Variants in MAPKBP1 observed in about 807,000 individuals in gnomAD.
MAPKBP1 encodes the protein mitogen-activated protein kinase binding protein 1.
In MAPKBP1, 71 loss-of-function variants were observed where a neutral mutation model predicts 170.5. The observed-to-expected ratio is 0.42, with a 90% CI of 0.34 to 0.51. MAPKBP1 has a LOEUF of 0.51. Ranked by LOEUF, MAPKBP1 falls within the 20% of genes least tolerant of loss-of-function variation. The pLI is 0.06. For missense variants in MAPKBP1, 1,598 were observed against 1,933.0 expected, an observed-to-expected ratio of 0.83 and a Z score of 3.25; for synonymous variants, 719 against 757.9, an observed-to-expected ratio of 0.95 and a Z score of 0.84.
At chr15:41,786,777 A>ATATATATATATATAT (rs1555448144) in intron 2 of MAPKBP1, among the ~76,000 whole-genome samples, 3 of 32,450 alleles carry the variant, frequency 9.2e-5, no homozygotes, top group African/African-American at 2.6e-4. Flanking sequence ...AAAAAAAAAA[A>ATATATATATATATAT]ATATATATAT....
Position 41,812,641 on chromosome 15 carries a change from C to G in MAPKBP1, c.624C>G (p.Ser208Arg). The change falls in exon 7 of 31, where the codon AGC (serine) becomes AGG (arginine). Residue 208 changes from serine to arginine, a missense_variant. Transcript: ENST00000457542. ...RHIKFWYLDD[S>R]KTSKVNATVP... ...TCAAATTCTGGTATCTCGATGACAGCAAGACCTCAAAGGTGAGGTGCTGAA... is the reference window on the plus strand; with the variant it reads ...TCAAATTCTGGTATCTCGATGACAGGAAGACCTCAAAGGTGAGGTGCTGAA... 3 of 1,606,102 alleles carry G rather than the reference C, an allele frequency of 1.9e-6. No individual in the cohort carries two copies. The highest frequency in any genetic ancestry group is 2.6e-6 in the Non-Finnish European group (3 of 1,175,418).
chr15:41,808,341 GTGA>G (rs1342220274), intron 3 of MAPKBP1, among the ~76,000 whole-genome samples: 1 of 150,404 alleles, frequency 6.6e-6, no homozygotes, highest in Non-Finnish European at 1.5e-5. Flanking sequence ...TCCTGACCTC[GTGA>G]TCTGCCAGCC....
Position 41,818,250 on chromosome 15 carries a change from C to T in MAPKBP1, c.2037C>T (p.Leu679=). Residue 679 remains leucine (L), a synonymous_variant, in exon 18 of 31, where the codon CTC becomes CTT. Transcript: ENST00000457542. This position sits in a 1 kb window ranked among gnomAD's most constrained non-coding sequence, Gnocchi z 5.2. ...CCACCAGCTGTTCTGACAAGAATCT[C>T]TCCATTTTTGACTTCTCCTCAGGCG... ...YIATSCSDKN[L]SIFDFSSGEC... The T allele has an allele frequency of 6.2e-7, 1 of 1,614,154 alleles. No homozygotes were observed.
Position 41,816,254 on chromosome 15 carries a change from A to C in MAPKBP1, c.1494-305A>C. ...AAATGCAATTTGGATTCTGGATAGG[A>C]TCTAGAGTCAAGAAAAAGGACATAG... On this transcript the variant is annotated intron_variant, in intron 12 of 30. Coordinates refer to ENST00000457542, the MANE Select transcript of MAPKBP1 (RefSeq NM_014994.3). The C allele has an allele frequency of 1.1e-5, 5 of 438,250 alleles. 1 individual carries two copies. In the South Asian group the frequency reaches 1.7e-4, roughly 15 times the overall value. 27.1% of individuals were successfully genotyped at this position (438,250 alleles called of 1,614,324 possible). A position where few individuals can be genotyped will look rare whatever the true frequency, so the allele number is the denominator to read the frequency against.
At chr15:41,813,965 G>A (rs2064847846) in intron 9 of MAPKBP1, among the ~76,000 whole-genome samples, 184 bp downstream of exon 9, 1 of 152,192 alleles carries the variant, frequency 6.6e-6, no homozygotes, top group South Asian at 2.1e-4. Flanking sequence ...CCACCCCATG[G>A]AGAACTGTGG....
At chr15:41,811,407 A>G in intron 5 of MAPKBP1, 172 bp downstream of exon 5, 2 of 739,004 alleles carry the variant, frequency 2.7e-6, no homozygotes, top group Non-Finnish European at 4.8e-6. Flanking sequence ...CATCAGAATC[A>G]CTTGGAGGGC....
Position 41,812,466 on chromosome 15 carries a change from C to T in MAPKBP1, c.499-50C>T, listed in dbSNP as rs776250814. The T allele has an allele frequency of 3.7e-6, 6 of 1,610,980 alleles. No homozygotes were observed. In the Admixed American group the frequency reaches 5.0e-5, roughly 13 times the overall value. ...CCTCCATTCTCTGAGTCACTGTCTT[C>T]TTAGCTCCAAGAGACAGAGCCTTGA... On this transcript the variant is annotated intron_variant, in intron 6 of 30. Transcript: ENST00000457542.
Position 41,817,858 on chromosome 15 carries a change from T to C in MAPKBP1, c.1904+123T>C. On this transcript the variant is annotated intron_variant, in intron 16 of 30. Coordinates refer to ENST00000457542, the MANE Select transcript of MAPKBP1 (RefSeq NM_014994.3). The surrounding 1 kb of genome is among the most constrained non-coding windows in gnomAD (Gnocchi z 4.2). ...ACTTTGTACCCCCTTGAGCCTACAGTACTTTGCTTCACCCAAGAGGTGGTA... is the reference window on the plus strand; with the variant it reads ...ACTTTGTACCCCCTTGAGCCTACAGCACTTTGCTTCACCCAAGAGGTGGTA... The C allele has an allele frequency of 6.4e-7, 1 of 1,558,294 alleles. No homozygotes were observed.
At chr15:41,777,782 A>T (rs1016429161) in intron 2 of MAPKBP1, among the ~76,000 whole-genome samples, 6 of 152,224 alleles carry the variant, frequency 3.9e-5, no homozygotes, top group South Asian at 4.1e-4. Context: ...GCTGTGAGTA[A>T]TCATGATAAC....
At chr15:41,796,621 G>A (rs1259695366) in intron 2 of MAPKBP1, among the ~76,000 whole-genome samples, 4 of 152,076 alleles carry the variant, frequency 2.6e-5, no homozygotes, top group Non-Finnish European at 5.9e-5. Context: ...CCCTTGGATA[G>A]CTGCTTAGAA....
rs2064920186 is a variant in MAPKBP1 at position 41,817,842 on chromosome 15, C to T, written c.1904+107C>T. The T allele has an allele frequency of 5.1e-6, 8 of 1,566,396 alleles. No individual in the cohort carries two copies. The highest frequency in any genetic ancestry group is 2.2e-5 in the East Asian group (1 of 44,456). On this transcript the variant is annotated intron_variant, in intron 16 of 30. Coordinates refer to ENST00000457542, the MANE Select transcript of MAPKBP1 (RefSeq NM_014994.3). The surrounding 1 kb of genome is among the most constrained non-coding windows in gnomAD (Gnocchi z 4.2). ...TGTCGTTCTGTACAGGACTTTGTAC[C>T]CCCTTGAGCCTACAGTACTTTGCTT...
intron 3 of MAPKBP1, among the ~76,000 whole-genome samples, chr15:41,810,345 G>A (rs910340359): frequency 6.6e-6 from 1 of 152,068 alleles, no homozygotes; most frequent in Non-Finnish European, 1.5e-5. Flanking sequence ...AGGCTTCCAG[G>A]GAACCCTTTC....
At position 41,775,295 on chromosome 15, in the gene MAPKBP1, C is replaced by A; in HGVS notation, c.20C>A (p.Thr7Asn). The A allele has an allele frequency of 1.2e-6, 2 of 1,614,084 alleles. No homozygotes were observed. The highest frequency in any genetic ancestry group is 2.2e-5 in the South Asian group (2 of 91,080). ...GTCATAATGGCTGTGGAAGGGTCAA[C>A]CATTACCAGCCGGATCAAGAATCTG... MAVEGS[T>N]ITSRIKNLLR... is the part of the protein sequence containing the mutation. The change falls in exon 2 of 31, where the codon ACC becomes AAC. Residue 7 changes from threonine (T) to asparagine (N), a missense_variant. Physicochemically the swap from Thr to Asn is moderately conservative, Grantham distance 65 (BLOSUM62 0). Around this residue, in one of 6 missense-constraint regions of MAPKBP1, gnomAD observed 151 missense variants for 191.4 expected, o/e 0.79. Coordinates refer to ENST00000457542, the MANE Select transcript of MAPKBP1 (RefSeq NM_014994.3).
At position 41,817,593 on chromosome 15, in the gene MAPKBP1, C is replaced by T. The variant is rs373683530; in HGVS notation, c.1783-21C>T. On this transcript the variant is annotated intron_variant, in intron 15 of 30. Transcript: ENST00000457542. This position sits in a 1 kb window ranked among gnomAD's most constrained non-coding sequence, Gnocchi z 4.2. ...GTGAGGCATTTGGGTGTGGGCCTGCCCACATGCTCCACCCCTGCAGTCTGG... is the reference window on the plus strand; with the variant it reads ...GTGAGGCATTTGGGTGTGGGCCTGCTCACATGCTCCACCCCTGCAGTCTGG... 1.2e-6 allele frequency: 2 copies of T among 1,614,128 alleles called. No homozygotes were observed. Among genetic ancestry groups the T allele is most frequent in the Non-Finnish European group, 1.7e-6 (2 of 1,180,008 alleles).
intron 6 of MAPKBP1, 92 bp from the exon 7 acceptor site, chr15:41,812,424 G>C: frequency 1.3e-6 from 2 of 1,541,170 alleles, no homozygotes; most frequent in South Asian, 2.2e-5. Flanking sequence ...ACTTTGTCAA[G>C]TACAAATTCT....
chr15:41,818,868 G>A lies in MAPKBP1; in HGVS notation c.2202G>A (p.Met734Ile). ...WRLSSEMTIS[M>I]RQRLAELRQR... ...TGAGCTCTGAGATGACCATCAGCAT[G>A]AGGCAGCGTCTGGCCGAGTTGCGCC... Residue 734 changes from methionine (M) to isoleucine (I), a missense_variant, in exon 20 of 31, where the codon ATG (methionine) becomes ATA (isoleucine). Met to Ile is a conservative substitution (Grantham distance 10, BLOSUM62 1). Transcript: ENST00000457542. This position sits in a 1 kb window ranked among gnomAD's most constrained non-coding sequence, Gnocchi z 5.2. 1 of 1,614,222 alleles carries A rather than the reference G, an allele frequency of 6.2e-7. No individual in the cohort carries two copies. The highest frequency in any genetic ancestry group is 1.3e-5 in the African/African-American group (1 of 75,056).
rs2065082176 is a variant in MAPKBP1, at chr15:41,825,856, A to G, written c.*420A>G. On this transcript the variant is annotated 3_prime_UTR_variant, in exon 31 of 31. Coordinates refer to ENST00000457542, the MANE Select transcript of MAPKBP1 (RefSeq NM_014994.3). ...CGAGGTGAGAGGTGATGTGGTATTCAGTGCCCGTCAGCCAACTGTGGGCCT... is the reference window on the plus strand; with the variant it reads ...CGAGGTGAGAGGTGATGTGGTATTCGGTGCCCGTCAGCCAACTGTGGGCCT... 2 of 156,388 alleles carry G rather than the reference A, an allele frequency of 1.3e-5. No homozygotes were observed. Among genetic ancestry groups the G allele is most frequent in the Admixed American group, 6.5e-5 (1 of 15,364 alleles). 9.7% of individuals were successfully genotyped at this position (156,388 alleles called of 1,614,324 possible). A position where few individuals can be genotyped will look rare whatever the true frequency, so the allele number is the denominator to read the frequency against.
chr15:41,819,555 G>GGGTGC (rs1555454090), intron 21 of MAPKBP1, 40 bp from the exon 22 acceptor site: 22 of 1,481,972 alleles, frequency 1.5e-5, no homozygotes, highest in Middle Eastern at 1.9e-4. Context: ...GGCGGGGGGG[G>GGGTGC]GGCAGGAGAC....
intron 2 of MAPKBP1, among the ~76,000 whole-genome samples, chr15:41,786,573 GC>G (rs1247074617): frequency 7.3e-5 from 11 of 151,082 alleles, no homozygotes; most frequent in African/African-American, 2.7e-4. Context: ...GACCATTGTG[GC>G]TAACACGGTG....
Sources: allele counts gnomAD v4.1 joint callset (sites outside exome capture counted in the v4.1 genomes callset), GRCh38; gene constraint gnomAD v4.1.1; regional missense constraint gnomAD v4.1.1; non-coding constraint Gnocchi (gnomAD v3.1); transcripts MANE v1.5; gene names NCBI Gene and HGNC (gene_info 2026-07-23, HGNC 2026-07-21).